The following DPH6 variants were observed in gnomAD, a reference collection of about 807,000 sequenced individuals.
The protein encoded by DPH6 is diphthamine biosynthesis 6, also known as diphthine--ammonia ligase.
DPH6 carries 33 observed loss-of-function variants against 38.2 expected under a neutral mutation model. That is an observed-to-expected ratio of 0.86 (90% CI 0.65 to 1.15). DPH6 has a LOEUF of 1.15. DPH6 is among the 50% of genes most tolerant of loss of function. The pLI, the probability that DPH6 is intolerant of heterozygous loss-of-function variation, is 0.00. For missense variants in DPH6, 325 were observed against 320.0 expected, an observed-to-expected ratio of 1.02 and a Z score of -0.12; for synonymous variants, 108 against 103.0, an observed-to-expected ratio of 1.05 and a Z score of -0.30.
chr15:35,525,735 G>GCATCTGTAGTCCCAGAT (rs2054990688), intron 3 of DPH6, among the ~76,000 whole-genome samples: 1 of 152,136 alleles, frequency 6.6e-6, no homozygotes, highest in South Asian at 2.1e-4. Context: ...AGATATGCAG[G>GCATCTGTAGTCCCAGAT]ACGCTGAGGC....
intron 5 of DPH6, among the ~76,000 whole-genome samples, chr15:35,414,141 T>C (rs781704622): frequency 1.3e-5 from 2 of 151,754 alleles, no homozygotes; most frequent in Non-Finnish European, 3.0e-5. Context: ...ATGCTCACTA[T>C]TGTTTCTCAT....
the DPH6 span, among the ~76,000 whole-genome samples, chr15:35,205,332 A>G: frequency 6.6e-6 from 1 of 151,938 alleles, no homozygotes; most frequent in Non-Finnish European, 1.5e-5. Context: ...TATTTTGTCC[A>G]TTTGTACTTG....
At chr15:35,331,326 G>C (rs1336827648) in intron 3 of DPH6, among the ~76,000 whole-genome samples, 1 of 152,134 alleles carries the variant, frequency 6.6e-6, no homozygotes, top group African/African-American at 2.4e-5. Flanking sequence ...CAAAGTTCAA[G>C]AGTTTTTACA....
At chr15:35,528,294 C>T (rs907121700) in intron 3 of DPH6, among the ~76,000 whole-genome samples, 1 of 152,012 alleles carries the variant, frequency 6.6e-6, no homozygotes, top group South Asian at 2.1e-4. Context: ...ATCTTCTATT[C>T]AATCCTTTAC....
chr15:35,219,520 A>G (rs1444950575), exon 4 of DPH6: 2 of 152,218 alleles, frequency 1.3e-5, no homozygotes, highest in Non-Finnish European at 1.5e-5. Flanking sequence ...AAATATGCAA[A>G]TATGTCAGAC....
intron 3 of DPH6, among the ~76,000 whole-genome samples, chr15:35,279,152 C>T (rs1347297411): frequency 6.6e-6 from 1 of 150,914 alleles, no homozygotes; most frequent in African/African-American, 2.4e-5. Flanking sequence ...CCTATTGCCC[C>T]TTTTTTTGGG....
intron 3 of DPH6, among the ~76,000 whole-genome samples, chr15:35,456,590 C>T (rs536676486): frequency 3.3e-5 from 5 of 151,680 alleles, no homozygotes; most frequent in African/African-American, 7.3e-5. Flanking sequence ...AGGGTTCAAG[C>T]GATTCTTCTG....
chr15:35,481,308 T>C (rs2054323695), intron 3 of DPH6, among the ~76,000 whole-genome samples: 1 of 152,086 alleles, frequency 6.6e-6, no homozygotes. Flanking sequence ...ATTTCAACAG[T>C]CTGTCAAAAA....
At chr15:35,175,602 CATTA>C in the DPH6 span, among the ~76,000 whole-genome samples, 1 of 130,582 alleles carries the variant, frequency 7.7e-6, no homozygotes, top group African/African-American at 2.9e-5. Flanking sequence ...TTTCAACTTT[CATTA>C]GGTAAGCTGG....
chr15:35,383,450 G>T (rs1595516852), intron 6 of DPH6, among the ~76,000 whole-genome samples: 1 of 152,332 alleles, frequency 6.6e-6, no homozygotes. Context: ...GGCCTTGCTA[G>T]ATGATGAAGT....
intron 3 of DPH6, among the ~76,000 whole-genome samples, chr15:35,486,748 T>C (rs1262853854): frequency 1.3e-5 from 2 of 151,944 alleles, no homozygotes; most frequent in Admixed American, 1.3e-4. Context: ...TTCCAACAGT[T>C]CCCCAAAGTC....
At chr15:35,432,343 C>G (rs1043937624) in intron 5 of DPH6, among the ~76,000 whole-genome samples, 19 of 152,130 alleles carry the variant, frequency 1.2e-4, no homozygotes, top group Non-Finnish European at 2.5e-4. Flanking sequence ...AGTGGGTTTT[C>G]TGTCATCATT....
At chr15:35,277,504 G>A (rs1308233225) in intron 3 of DPH6, among the ~76,000 whole-genome samples, 1 of 152,142 alleles carries the variant, frequency 6.6e-6, no homozygotes, top group African/African-American at 2.4e-5. Context: ...CAGGAGTGGG[G>A]TATTATTATA....
At chr15:35,542,356 T>C in intron 2 of DPH6, 57 bp downstream of exon 2, 1 of 1,395,590 alleles carries the variant, frequency 7.2e-7, no homozygotes, top group Non-Finnish European at 1.0e-6. Flanking sequence ...TACAATGTAA[T>C]TATGAAGTTG....
chr15:35,277,403 G>T (rs186626284), intron 3 of DPH6, among the ~76,000 whole-genome samples: 59 of 152,152 alleles, frequency 3.9e-4, no homozygotes, highest in Middle Eastern at 3.4e-3. Context: ...TACTGATTTG[G>T]ATGCCTTTTA....
At chr15:35,218,750 A>C (rs1341274616) in exon 4 of DPH6, 3 of 152,100 alleles carry the variant, frequency 2.0e-5, no homozygotes, top group Non-Finnish European at 4.4e-5. Flanking sequence ...TTTTTAATTA[A>C]AACAAAACAA....
intron 3 of DPH6, among the ~76,000 whole-genome samples, chr15:35,334,489 T>C (rs2052352224): frequency 1.3e-5 from 2 of 152,106 alleles, no homozygotes; most frequent in African/African-American, 4.8e-5. Context: ...GCTGCACAGA[T>C]CATCCCATCA....
intron 3 of DPH6, chr15:35,489,366 T>G (rs1295560452): frequency 4.1e-6 from 4 of 985,296 alleles, no homozygotes; most frequent in African/African-American, 1.7e-5. Context: ...GGTCCCAGTT[T>G]CATTAAATTT....
chr15:35,478,220 CCTATA>C, intron 3 of DPH6, among the ~76,000 whole-genome samples: 1 of 151,656 alleles, frequency 6.6e-6, no homozygotes, highest in South Asian at 2.1e-4. Context: ...TACTGATAAG[CCTATA>C]ACTAAATACA....
Sources: allele counts gnomAD v4.1 joint callset (sites outside exome capture counted in the v4.1 genomes callset), GRCh38; gene constraint gnomAD v4.1.1; transcripts MANE v1.5; gene names NCBI Gene and HGNC (gene_info 2026-07-23, HGNC 2026-07-21).